KDM5C: variants seen among roughly 807,000 people sequenced by gnomAD.
KDM5C encodes the protein lysine-specific demethylase 5C.
Under a neutral mutation model 110.6 loss-of-function variants are expected in KDM5C, and 16 were observed. The ratio of observed to expected loss-of-function variants is 0.14; its 90% CI spans 0.10 to 0.22. The LOEUF (loss-of-function observed/expected upper bound fraction) is 0.22, where lower values mean the gene tolerates loss of function less well. Ranked by LOEUF, KDM5C falls within the 10% of genes least tolerant of loss-of-function variation. KDM5C has a pLI of 1.00. For synonymous variants in KDM5C, 511 were observed against 520.4 expected (o/e 0.98, Z 0.24); for missense variants, 681 against 1,300.9 (o/e 0.52, Z 7.33).
In KDM5C at chrX:53,178,539, C is replaced by T. The variant is rs782088196; in HGVS notation, c.4309-1917G>A. 3.6e-5 allele frequency among the ~76,000 whole-genome samples: 4 copies of T among 112,147 alleles called. No homozygotes were observed. In the East Asian group the frequency reaches 1.1e-3, roughly 31 times the overall value. On this transcript the variant is annotated intron_variant, in intron 25 of 25. Coordinates refer to the KDM5C transcript ENST00000685641. ...AGATCATGGTTGTAAACTTTTAGTT[C>T]AAGGCATGGTCAGACACTGGGGAGC...
chrX:53,210,151 T>C (rs1556847975), intron 12 of KDM5C, among the ~76,000 whole-genome samples: 2 of 112,639 alleles, frequency 1.8e-5, no homozygotes, highest in Non-Finnish European at 3.7e-5. Flanking sequence ...CCTCTTCCAC[T>C]GGCTGGAATG....
Position 53,196,754 on chromosome X carries a change from G to A in KDM5C, c.2913C>T (p.Ala971=), listed in dbSNP as rs782109478. 32 of 1,212,317 alleles carry A rather than the reference G, an allele frequency of 2.6e-5. No homozygotes were observed. Among genetic ancestry groups the A allele is most frequent in the East Asian group, 2.4e-4 (8 of 33,842 alleles). The stretch of plus-strand genomic sequence containing the variant: ...CAATGGTCAGCAGTTCCTGCAGCTC[G>A]GCCTGGGCTTTATCCACAGCAGGGC... The part of the protein sequence containing the change: ...APSPAVDKAQ[A]ELQELLTIAE... Residue 971 remains alanine (A), a synonymous_variant, in exon 19 of 26, where the codon GCC becomes GCT. Transcript: ENST00000375401.
Position 53,198,481 on chromosome X carries a change from C to T in KDM5C, c.2516+9G>A, listed in dbSNP as rs2073036800. The T allele has an allele frequency of 8.3e-7, 1 of 1,199,826 alleles. No individual in the cohort carries two copies. Among genetic ancestry groups the T allele is most frequent in the East Asian group, 3.0e-5 (1 of 33,266 alleles). ...CTTATGTGTGCCCTAACTCCTCACG[C>T]TGTCATACCCAGCTTCCTGGCCGCT... is the stretch of plus-strand genomic sequence containing the variant. On this transcript the variant is annotated intron_variant, in intron 17 of 25. Coordinates refer to ENST00000375401, the MANE Select transcript of KDM5C (RefSeq NM_004187.5).
At position 53,225,043 on chromosome X, in the gene KDM5C, G is replaced by T; in HGVS notation, c.-154C>A. 1.6e-6 allele frequency: 1 copy of T among 619,228 alleles called. No individual in the cohort carries two copies. The highest frequency in any genetic ancestry group is 2.4e-6 in the Non-Finnish European group (1 of 417,094). The allele number at this position is 619,228 out of a possible 1,213,427, so 51.0% of individuals were successfully genotyped here. A position where few individuals can be genotyped will look rare whatever the true frequency, so the allele number is the denominator to read the frequency against. ...CGAGGGCCTAAGGGGGCGTGTGGCCGTCGTGCTCTGAGAGTCTCAGGCTGA... is the reference window on the plus strand; with the variant it reads ...CGAGGGCCTAAGGGGGCGTGTGGCCTTCGTGCTCTGAGAGTCTCAGGCTGA... On this transcript the variant is annotated 5_prime_UTR_variant, in exon 1 of 26. Coordinates refer to ENST00000375401, the MANE Select transcript of KDM5C (RefSeq NM_004187.5).
intron 25 of KDM5C, among the ~76,000 whole-genome samples, chrX:53,177,697 C>G (rs1933918849): frequency 8.9e-6 from 1 of 112,082 alleles, no homozygotes; most frequent in African/African-American, 3.2e-5. Flanking sequence ...CAACAGATTC[C>G]TGTTTGGAGT....
rs782084094 is a variant in KDM5C, at chrX:53,207,691, G to A, written c.1746+2723C>T. ...GGCCCGGGCGCGGTGGCTCACGCCT[G>A]TAATCCTAGCACTTTGGGAGGCCAA... On this transcript the variant is annotated intron_variant, in intron 12 of 25. Coordinates refer to ENST00000375401, the MANE Select transcript of KDM5C (RefSeq NM_004187.5). 1.5e-4 allele frequency among the ~76,000 whole-genome samples: 17 copies of A among 111,855 alleles called. No homozygotes were observed. The East Asian group carries it at 4.5e-3, about 29-fold the overall frequency.
intron 21 of KDM5C, 68 bp downstream of exon 21, chrX:53,195,163 C>T (rs1934739519): frequency 8.5e-7 from 1 of 1,172,311 alleles, no homozygotes; most frequent in African/African-American, 1.8e-5. Context: ...CATGTTATCT[C>T]ATGAGCCATC....
chrX:53,211,149 C>A (rs1556848591), intron 10 of KDM5C, among the ~76,000 whole-genome samples: 1 of 111,977 alleles, frequency 8.9e-6, no homozygotes, highest in Non-Finnish European at 1.9e-5. Context: ...CTTGGAAGCA[C>A]AACTAGGCCC....
At position 53,215,943 on chromosome X, in the gene KDM5C, A is replaced by G. The variant is rs781849558; in HGVS notation, c.815T>C (p.Val272Ala). Residue 272 changes from valine to alanine, a missense_variant, in exon 7 of 26, where the codon GTG (valine) becomes GCG (alanine). Coordinates refer to ENST00000375401, the MANE Select transcript of KDM5C (RefSeq NM_004187.5). ...ATCCCCACCTAACTCCTCCTTCACCACTACTGTGGGGGGACACTCAGGCCC... is the reference window on the plus strand; with the variant it reads ...ATCCCCACCTAACTCCTCCTTCACCGCTACTGTGGGGGGACACTCAGGCCC... ...KEGPECPPTV[V>A]VKEELGGDVK... 1 of 1,211,731 alleles carries G rather than the reference A, an allele frequency of 8.3e-7. No homozygotes were observed. Among genetic ancestry groups the G allele is most frequent in the Non-Finnish European group, 1.1e-6 (1 of 895,438 alleles).
chrX:53,205,299 T>C (rs2073290571), intron 12 of KDM5C, among the ~76,000 whole-genome samples: 2 of 112,173 alleles, frequency 1.8e-5, no homozygotes, highest in Non-Finnish European at 3.8e-5. Flanking sequence ...CTAAATTAAT[T>C]TGGGGAGAAT....
At chrX:53,201,019 C>T (rs2073123250) in intron 14 of KDM5C, among the ~76,000 whole-genome samples, 1 of 112,704 alleles carries the variant, frequency 8.9e-6, no homozygotes, top group African/African-American at 3.2e-5. Flanking sequence ...ATTAACATTA[C>T]CAATAATAGC....
At position 53,193,470 on chromosome X, in the gene KDM5C, G is replaced by A. The variant is rs1160006439; in HGVS notation, c.4284C>T (p.Pro1428=). 4.1e-6 allele frequency: 5 copies of A among 1,211,758 alleles called. No individual in the cohort carries two copies. Among genetic ancestry groups the A allele is most frequent in the Non-Finnish European group, 5.6e-6 (5 of 895,509 alleles). ...SIWQLLQAGQ[P]PDLERIRTLL... ...GTGTGCGGATCCTCTCCAGGTCTGG[G>A]GGCTGTCCAGCCTGCAGCAGCTGCC... The change falls in exon 25 of 26, where the codon CCC becomes CCT. Residue 1428 remains proline (P), a synonymous_variant. Coordinates refer to ENST00000375401, the MANE Select transcript of KDM5C (RefSeq NM_004187.5).
intron 25 of KDM5C, among the ~76,000 whole-genome samples, chrX:53,182,092 T>TG (rs199832507): frequency 5.6e-5 from 6 of 107,797 alleles, no homozygotes; most frequent in East Asian, 2.9e-4. Flanking sequence ...TTTGTTTTTT[T>TG]TTTTTTTTTG....
At chrX:53,183,121 C>T (rs1934112668) in intron 25 of KDM5C, among the ~76,000 whole-genome samples, 1 of 109,963 alleles carries the variant, frequency 9.1e-6, no homozygotes. Context: ...GGACTTGGCA[C>T]TCTTGTAAAA....
chrX:53,187,783 G>A (rs1397825806), downstream of KDM5C, among the ~76,000 whole-genome samples: 1 of 104,494 alleles, frequency 9.6e-6, no homozygotes, highest in Non-Finnish European at 2.0e-5. Flanking sequence ...TTTTTGAGAC[G>A]GAGTCTTGCT....
downstream of KDM5C, among the ~76,000 whole-genome samples, chrX:53,188,274 G>C: frequency 1.8e-5 from 2 of 110,498 alleles, 1 homozygote; most frequent in Middle Eastern, 9.5e-3. Flanking sequence ...AAAAACTATA[G>C]TTGTCAGTCT....
rs1602224885 is a variant in KDM5C at position 53,215,651 on chromosome X, T to A, written c.963+144A>T. ...TTGTTCCATATGAGTTGGCTTTGTT[T>A]CCCCAATTAAGTGAGCTACCTGAGG... On this transcript the variant is annotated intron_variant, in intron 7 of 25. Transcript: ENST00000375401. 8.6e-6 allele frequency: 5 copies of A among 581,552 alleles called. No homozygotes were observed. In the East Asian group the frequency reaches 1.7e-4, roughly 20 times the overall value. 47.9% of individuals were successfully genotyped at this position (581,552 alleles called of 1,213,427 possible).
At position 53,197,828 on chromosome X, in the gene KDM5C, G is replaced by A; in HGVS notation, c.2565C>T (p.Ala855=). The A allele has an allele frequency of 8.3e-7, 1 of 1,204,243 alleles. No individual in the cohort carries two copies. Among genetic ancestry groups the A allele is most frequent in the Non-Finnish European group, 1.1e-6 (1 of 891,743 alleles). ...GLQMTLTELR[A]FLDQMNNLPC... is the part of the protein sequence containing the mutation. ...GCAGGTTGTTCATCTGGTCCAGAAA[G>A]GCCCGGAGCTCAGTCAGGGTCATCT... is the stretch of plus-strand genomic sequence containing the variant. Residue 855 remains alanine (A), a synonymous_variant, in exon 18 of 26, where the codon GCC becomes GCT. Transcript: ENST00000375401.
intron 7 of KDM5C, chrX:53,215,109 T>C (rs1373860171): frequency 4.2e-6 from 2 of 477,518 alleles, no homozygotes; most frequent in South Asian, 2.6e-5. Context: ...AGACAAGACA[T>C]GGTATCCTTC....
Sources: allele counts gnomAD v4.1 joint callset (sites outside exome capture counted in the v4.1 genomes callset), GRCh38; gene constraint gnomAD v4.1.1; transcripts MANE v1.5; gene names NCBI Gene and HGNC (gene_info 2026-07-23, HGNC 2026-07-21).